Variants in FNDC3A observed in about 807,000 individuals in gnomAD.
FNDC3A encodes fibronectin type-III domain-containing protein 3A.
A neutral mutation model predicts 148.9 loss-of-function variants in FNDC3A; 32 were observed. The ratio of observed to expected loss-of-function variants is 0.21; its 90% CI spans 0.16 to 0.29. The LOEUF (loss-of-function observed/expected upper bound fraction) is 0.29. FNDC3A is among the 10% of genes least tolerant of loss of function. The pLI, the probability that FNDC3A is intolerant of heterozygous loss-of-function variation, is 1.00. For missense variants in FNDC3A, 1,191 were observed against 1,452.8 expected, an observed-to-expected ratio of 0.82 and a Z score of 2.93; for synonymous variants, 472 against 473.6, an observed-to-expected ratio of 1.00 and a Z score of 0.04.
chr13:49,206,027 A>AC (rs1886628429), intron 25 of FNDC3A, among the ~76,000 whole-genome samples: 1 of 152,144 alleles, frequency 6.6e-6, no homozygotes, highest in South Asian at 2.1e-4. Context: ...TAGCCCACCA[A>AC]CTAACTGGAG....
At chr13:49,026,905 G>C (rs905964535) in intron 2 of FNDC3A, among the ~76,000 whole-genome samples, 8 of 152,136 alleles carry the variant, frequency 5.3e-5, no homozygotes, top group African/African-American at 1.9e-4. Flanking sequence ...TAAATGCAAT[G>C]GAGTGGGGAG....
chr13:49,196,443 G>A (rs1886157396), intron 19 of FNDC3A, among the ~76,000 whole-genome samples: 1 of 152,148 alleles, frequency 6.6e-6, no homozygotes, highest in Non-Finnish European at 1.5e-5. Flanking sequence ...TTATAGAACA[G>A]AATGTTGGTA....
chr13:49,065,229 T>A (rs1014152034), intron 2 of FNDC3A, among the ~76,000 whole-genome samples: 1 of 152,184 alleles, frequency 6.6e-6, no homozygotes, highest in African/African-American at 2.4e-5. Flanking sequence ...TCCCCATCTC[T>A]GTGGCATCTT....
At chr13:48,987,621 C>T (rs1478015377) in intron 1 of FNDC3A, among the ~76,000 whole-genome samples, 1 of 152,212 alleles carries the variant, frequency 6.6e-6, no homozygotes, top group East Asian at 1.9e-4. Flanking sequence ...CCGACCAACA[C>T]TACTCTTTCC....
At chr13:49,056,681 A>G (rs1876271119) in intron 2 of FNDC3A, among the ~76,000 whole-genome samples, 1 of 152,096 alleles carries the variant, frequency 6.6e-6, no homozygotes, top group Admixed American at 6.6e-5. Flanking sequence ...CTGGGATTCA[A>G]TATGCTGTTT....
At chr13:49,181,096 A>G (rs1487008170) in intron 14 of FNDC3A, among the ~76,000 whole-genome samples, 1 of 152,086 alleles carries the variant, frequency 6.6e-6, no homozygotes, top group Non-Finnish European at 1.5e-5. Flanking sequence ...AATATTAACT[A>G]ATTAATTAAA....
intron 4 of FNDC3A, among the ~76,000 whole-genome samples, chr13:49,130,326 G>T (rs1791128188): frequency 1.3e-5 from 2 of 151,642 alleles, no homozygotes; most frequent in African/African-American, 4.8e-5. Flanking sequence ...TGTGTCCCTT[G>T]AAATGATCAG....
chr13:49,207,415 A>C lies in FNDC3A; in HGVS notation c.*20A>C, dbSNP rs1367455621. ...AAGTGAAAATATAACTTTATTTTTT[A>C]ACTCTATTACATTTTATTTTGTCAT... On this transcript the variant is annotated 3_prime_UTR_variant, in exon 26 of 26. Coordinates refer to ENST00000492622, the MANE Select transcript of FNDC3A (RefSeq NM_001079673.2). 2.1e-6 allele frequency: 3 copies of C among 1,401,276 alleles called. No homozygotes were observed. Among genetic ancestry groups the C allele is most frequent in the South Asian group, 2.5e-5 (2 of 79,130 alleles). 86.8% of individuals were successfully genotyped at this position (1,401,276 alleles called of 1,614,324 possible).
In FNDC3A at chr13:49,198,581, T is replaced by C. The variant is rs774394986; in HGVS notation, c.2987+7T>C. Reference sequence around the variant, plus strand: ...TGGAGGATAAGAATGGACGGTAGGTTTTTTTAATTGCTTCTTTATATAGTT... The same window carrying C: ...TGGAGGATAAGAATGGACGGTAGGTCTTTTTAATTGCTTCTTTATATAGTT... On this transcript the variant is annotated splice_region_variant and intron_variant, in intron 23 of 25. Coordinates refer to ENST00000492622, the MANE Select transcript of FNDC3A (RefSeq NM_001079673.2). 1 of 1,597,120 alleles carries C rather than the reference T, an allele frequency of 6.3e-7. No homozygotes were observed. The highest frequency in any genetic ancestry group is 1.1e-5 in the South Asian group (1 of 90,720).
chr13:49,137,504 C>T (rs1365595576), intron 6 of FNDC3A, among the ~76,000 whole-genome samples: 5 of 152,114 alleles, frequency 3.3e-5, no homozygotes, highest in Non-Finnish European at 5.9e-5. Flanking sequence ...GCCACCACGC[C>T]CAACTACTTT....
chr13:49,075,410 CA>C, intron 3 of FNDC3A, 46 bp downstream of exon 3: 1 of 1,151,426 alleles, frequency 8.7e-7, no homozygotes, highest in Non-Finnish European at 1.3e-6. Context: ...AAATAAACCC[CA>C]AAAATTTATG....
chr13:49,175,008 C>T (rs7992850), intron 12 of FNDC3A, among the ~76,000 whole-genome samples: 25,951 of 151,208 alleles, frequency 0.17, 2,756 homozygotes, highest in Non-Finnish European at 0.24. Context: ...TGAGAACTTA[C>T]ATTTTCTATT....
chr13:49,185,088 A>G (rs1008244542), intron 14 of FNDC3A, among the ~76,000 whole-genome samples: 3 of 151,718 alleles, frequency 2.0e-5, no homozygotes, highest in Admixed American at 6.6e-5. Context: ...AGAGAAAAAG[A>G]GGGGCAGGTT....
chr13:49,125,178 A>G (rs1045587972), intron 4 of FNDC3A, among the ~76,000 whole-genome samples: 8 of 152,160 alleles, frequency 5.3e-5, no homozygotes, highest in African/African-American at 1.9e-4. Context: ...GAGTGAGGTC[A>G]GTGTGTTTTT....
At chr13:49,097,494 G>C (rs1879608257) in intron 3 of FNDC3A, among the ~76,000 whole-genome samples, 1 of 152,066 alleles carries the variant, frequency 6.6e-6, no homozygotes, top group South Asian at 2.1e-4. Flanking sequence ...AATGATGACA[G>C]AATGAAAGGT....
intron 13 of FNDC3A, 102 bp downstream of exon 13, chr13:49,175,643 A>G (rs1884991600): frequency 1.5e-6 from 1 of 674,032 alleles, no homozygotes; most frequent in African/African-American, 1.9e-5. Flanking sequence ...CAATCATGTC[A>G]TCTGCAAATA....
intron 2 of FNDC3A, among the ~76,000 whole-genome samples, chr13:49,074,036 C>G (rs1210151338): frequency 6.6e-6 from 1 of 151,836 alleles, no homozygotes; most frequent in African/African-American, 2.4e-5. Context: ...AAAGGGTGTT[C>G]TCATAGACTA....
At chr13:49,081,730 A>G (rs573237222) in intron 3 of FNDC3A, among the ~76,000 whole-genome samples, 1 of 152,320 alleles carries the variant, frequency 6.6e-6, no homozygotes, top group Non-Finnish European at 1.5e-5. Flanking sequence ...TGGCTTCTAC[A>G]AAAACAAAGA....
rs1882965877 is a variant in FNDC3A, at chr13:49,145,894, C to T, written c.936C>T (p.Ile312=). 1.2e-6 allele frequency: 2 copies of T among 1,612,832 alleles called. No individual in the cohort carries two copies. Among genetic ancestry groups the T allele is most frequent in the Non-Finnish European group, 1.7e-6 (2 of 1,179,192 alleles). The change falls in exon 8 of 26, where the codon ATC becomes ATT. Residue 312 remains isoleucine (I), a synonymous_variant. Transcript: ENST00000492622. The part of the protein sequence containing the change: ...VPELYGYEVL[I]SSTGKDGKYK... ...AGCTCTATGGTTATGAAGTTCTGAT[C>T]TCAAGTACTGGAAAAGATGGGAAAT...
Sources: gnomAD v4.1 joint callset for allele counts (sites outside exome capture counted in the v4.1 genomes callset) on GRCh38, gnomAD v4.1.1 for gene constraint, MANE v1.5 for transcripts, NCBI Gene and HGNC (gene_info 2026-07-23, HGNC 2026-07-21) for gene names.